The following FRMPD3 variants were observed in gnomAD, a reference collection of about 807,000 sequenced individuals.
FRMPD3 encodes the protein FERM and PDZ domain containing 3.
A neutral mutation model predicts 97.9 loss-of-function variants in FRMPD3; 42 were observed. The ratio of observed to expected loss-of-function variants is 0.43; its 90% CI spans 0.34 to 0.55. The LOEUF is 0.55. FRMPD3 is among the 20% of genes least tolerant of loss of function. FRMPD3 has a pLI of 0.03. For missense variants in FRMPD3, 1,303 were observed against 1,457.7 expected (o/e 0.89, Z 1.73); for synonymous variants, 577 against 581.1 (o/e 0.99, Z 0.10).
intron 13 of FRMPD3, among the ~76,000 whole-genome samples, chrX:107,595,660 G>A (rs1924131022): frequency 9.0e-6 from 1 of 111,152 alleles, no homozygotes; most frequent in African/African-American, 3.3e-5. Context: ...AGTATTGGCC[G>A]GGTGCGGTGG....
chrX:107,461,283 C>T (rs181439377), intron 1 of FRMPD3, among the ~76,000 whole-genome samples: 25 of 111,446 alleles, frequency 2.2e-4, no homozygotes, highest in African/African-American at 8.2e-4. Context: ...TCAGGATCTC[C>T]TCTCCAACCT....
At position 107,565,288 on chromosome X, in the gene FRMPD3, G is replaced by A. The variant is rs758480680; in HGVS notation, c.1296+222G>A. On this transcript the variant is annotated intron_variant, in intron 12 of 14. Transcript: ENST00000683843. ...TCAGCCAGCACTAAGGAATGCTATG[G>A]AGAGTCAGATCAGCCTGAGACAGTT... Among the ~76,000 whole-genome samples the A allele has an allele frequency of 1.3e-4, 15 of 112,119 alleles. 1 individual carries two copies. The South Asian group carries it at 2.6e-3, about 19-fold the overall frequency.
chrX:107,576,183 C>A, intron 12 of FRMPD3, 132 bp from the exon 13 acceptor site: 2 of 611,785 alleles, frequency 3.3e-6, no homozygotes, highest in Non-Finnish European at 5.1e-6. Flanking sequence ...AAGCCATGTG[C>A]CTCAATTTTT....
intron 1 of FRMPD3, among the ~76,000 whole-genome samples, chrX:107,473,041 A>G (rs1921104815): frequency 9.0e-6 from 1 of 111,621 alleles, no homozygotes; most frequent in Non-Finnish European, 1.9e-5. Context: ...CCAATCAAAA[A>G]CCCTCTCTGA....
chrX:107,477,520 A>G (rs1233411404), intron 1 of FRMPD3, among the ~76,000 whole-genome samples: 1 of 112,867 alleles, frequency 8.9e-6, no homozygotes, highest in Non-Finnish European at 1.9e-5. Context: ...CTGAACATTG[A>G]AAAACTTCAG....
At position 107,562,295 on chromosome X, in the gene FRMPD3, G is replaced by C. The variant is rs145076097; in HGVS notation, c.1027-816G>C. Among the ~76,000 whole-genome samples, 328 of 112,793 alleles carry C rather than the reference G, an allele frequency of 2.9e-3. 2 individuals are homozygous for C. The East Asian group carries it at 0.061, about 21-fold the overall frequency. On this transcript the variant is annotated intron_variant, in intron 10 of 14. Coordinates refer to ENST00000683843, the MANE Select transcript of FRMPD3 (RefSeq NM_001388459.1). ...AGGCCAGAGAGGTTGGCAGGAGCCA[G>C]TTCATGGAGGGCCTTGTGTGCCAAG...
chrX:107,553,713 C>A (rs934303141), intron 7 of FRMPD3, among the ~76,000 whole-genome samples: 11 of 111,733 alleles, frequency 9.8e-5, no homozygotes, highest in African/African-American at 3.6e-4. Context: ...AAATGCAATA[C>A]AGAGACTCAC....
rs1346791769 is a variant in FRMPD3 at position 107,552,915 on chromosome X, C to A, written c.631C>A (p.Pro211Thr). 1.7e-5 allele frequency: 20 copies of A among 1,205,768 alleles called. No individual in the cohort carries two copies. Among genetic ancestry groups the A allele is most frequent in the Non-Finnish European group, 2.2e-5 (20 of 893,568 alleles). Residue 211 changes from proline to threonine, a missense_variant, in exon 7 of 15, where the codon CCC (proline) becomes ACC (threonine). Physicochemically the swap from Pro to Thr is conservative, Grantham distance 38 (BLOSUM62 -1). Coordinates refer to ENST00000683843, the MANE Select transcript of FRMPD3 (RefSeq NM_001388459.1). Reference sequence around the variant, plus strand: ...GTTTCTGCTTCTTCAGGACAAGCAACCCCTGGCTTATGTAAGTAACTCTTT... The same window carrying A: ...GTTTCTGCTTCTTCAGGACAAGCAAACCCTGGCTTATGTAAGTAACTCTTT... ...HKFLLLQDKQ[P>T]LAYVVQRTHY...
At chrX:107,566,129 C>G (rs886468559) in intron 12 of FRMPD3, among the ~76,000 whole-genome samples, 1 of 112,777 alleles carries the variant, frequency 8.9e-6, no homozygotes, top group Non-Finnish European at 1.9e-5. Flanking sequence ...TCAGCCACCC[C>G]CTCCACAGCT....
intron 8 of FRMPD3, among the ~76,000 whole-genome samples, chrX:107,555,363 G>A (rs955839494): frequency 6.3e-5 from 7 of 111,882 alleles, no homozygotes; most frequent in Admixed American, 3.8e-4. Flanking sequence ...CCTGGGCAGC[G>A]GTTCTTAAAG....
At chrX:107,486,460 C>A (rs752693035) in intron 1 of FRMPD3, among the ~76,000 whole-genome samples, 1 of 112,519 alleles carries the variant, frequency 8.9e-6, no homozygotes, top group South Asian at 3.6e-4. Flanking sequence ...CATATTTTTT[C>A]TGAAGGTTTT....
At chrX:107,533,025 G>C (rs1452165449) in intron 3 of FRMPD3, among the ~76,000 whole-genome samples, 1 of 111,458 alleles carries the variant, frequency 9.0e-6, no homozygotes, top group African/African-American at 3.3e-5. Context: ...TGATGAGTAT[G>C]AGTCATGGTG....
chrX:107,583,163 G>T (rs1923475860), intron 13 of FRMPD3, among the ~76,000 whole-genome samples: 1 of 106,876 alleles, frequency 9.4e-6, no homozygotes, highest in African/African-American at 3.4e-5. Context: ...AGAATGTGCA[G>T]GTTTGCTACA....
At chrX:107,540,037 C>T (rs1402548454) in intron 4 of FRMPD3, among the ~76,000 whole-genome samples, 1 of 112,050 alleles carries the variant, frequency 8.9e-6, no homozygotes, top group African/African-American at 3.2e-5. Flanking sequence ...TGATAACAAG[C>T]CCAGTGTGTG....
intron 1 of FRMPD3, among the ~76,000 whole-genome samples, chrX:107,465,398 G>A (rs766985709): frequency 4.5e-4 from 50 of 111,331 alleles, no homozygotes; most frequent in Non-Finnish European, 7.5e-4. Flanking sequence ...TTGAACCCAG[G>A]AAGCGGAGGT....
Position 107,560,832 on chromosome X carries a change from A to C in FRMPD3, c.1005A>C (p.Thr335=). The C allele has an allele frequency of 5.0e-6, 6 of 1,196,021 alleles. No homozygotes were observed. Among genetic ancestry groups the C allele is most frequent in the Non-Finnish European group, 6.8e-6 (6 of 887,827 alleles). ...CTCAGCAACTGAAGGCTCACCAAAC[A>C]CATCCTTCCTGCGGCACCAAGGTAT... ...SLSQQLKAHQ[T]HPSCGTKGSA... is the part of the protein sequence containing the mutation. The change falls in exon 10 of 15, where the codon ACA becomes ACC. Residue 335 remains threonine (T), a synonymous_variant. Transcript: ENST00000683843.
intron 5 of FRMPD3, 55 bp downstream of exon 5, chrX:107,545,896 G>T: frequency 2.1e-6 from 2 of 962,037 alleles, no homozygotes. Context: ...CTGCCTGGCT[G>T]TCAAGCTCTC....
At chrX:107,573,246 T>A (rs1473127522) in intron 12 of FRMPD3, among the ~76,000 whole-genome samples, 2 of 111,204 alleles carry the variant, frequency 1.8e-5, no homozygotes, top group African/African-American at 6.5e-5. Flanking sequence ...GATGATAAGG[T>A]CCTGAAATGA....
At chrX:107,500,225 T>G (rs1352278142) in intron 1 of FRMPD3, among the ~76,000 whole-genome samples, 1 of 111,760 alleles carries the variant, frequency 8.9e-6, no homozygotes, top group Non-Finnish European at 1.9e-5. Context: ...CCATCCCTCA[T>G]CCATAAGGGG....
Sources: gnomAD v4.1 joint callset for allele counts (sites outside exome capture counted in the v4.1 genomes callset) on GRCh38, gnomAD v4.1.1 for gene constraint, MANE v1.5 for transcripts, NCBI Gene and HGNC (gene_info 2026-07-23, HGNC 2026-07-21) for gene names.